The following C6orf47 variants were observed in gnomAD, a reference collection of about 807,000 sequenced individuals.
C6orf47 encodes chromosome 6 open reading frame 47.
A neutral mutation model predicts 5.6 loss-of-function variants in C6orf47; 1 was observed. The ratio of observed to expected loss-of-function variants is 0.18; its 90% confidence interval spans 0.06 to 0.85. The LOEUF (loss-of-function observed/expected upper bound fraction) is 0.85. Ranked by LOEUF, C6orf47 falls within the 40% of genes least tolerant of loss-of-function variation. The probability of loss-of-function intolerance (pLI) is 0.70; values close to 1 mark genes in which losing one functional copy is unlikely to be tolerated. For missense variants in C6orf47, 323 were observed against 367.1 expected, an observed-to-expected ratio of 0.88 and a Z score of 0.98; for synonymous variants, 149 against 161.7, an observed-to-expected ratio of 0.92 and a Z score of 0.60.
At position 31,659,439 on chromosome 6, in the gene C6orf47, C is replaced by T; in HGVS notation, c.509G>A (p.Gly170Glu). ...GEPGAPSRYL[G>E]GPEECLQIST... ...GATCTGCAGACACTCTTCTGGGCCCCCCAAGTACCGGGAGGGAGCTCCTGG... is the reference window on the plus strand; with the variant it reads ...GATCTGCAGACACTCTTCTGGGCCCTCCAAGTACCGGGAGGGAGCTCCTGG... The change falls in exon 1 of 1, where the codon GGG becomes GAG. Residue 170 changes from glycine (G) to glutamate (E), a missense_variant. Transcript: ENST00000375911. This position sits in a 1 kb window ranked among gnomAD's most constrained non-coding sequence, Gnocchi z 5.6. The T allele has an allele frequency of 6.2e-7, 1 of 1,612,898 alleles. No homozygotes were observed. The highest frequency in any genetic ancestry group is 8.5e-7 in the Non-Finnish European group (1 of 1,179,974).
At position 31,659,458 on chromosome 6, in the gene C6orf47, C is replaced by T; in HGVS notation, c.490G>A (p.Ala164Thr). Residue 164 changes from alanine to threonine, a missense_variant, in exon 1 of 1, where the codon GCT becomes ACT. Coordinates refer to ENST00000375911, the MANE Select transcript of C6orf47 (RefSeq NM_021184.4). The surrounding 1 kb of genome is among the most constrained non-coding windows in gnomAD (Gnocchi z 5.6). ...GGGCCCCCCAAGTACCGGGAGGGAGCTCCTGGTTCCCCCCGCAGCCAGCCC... is the reference window on the plus strand; with the variant it reads ...GGGCCCCCCAAGTACCGGGAGGGAGTTCCTGGTTCCCCCCGCAGCCAGCCC... The part of the protein sequence containing the change: ...LLGWLRGEPG[A>T]PSRYLGGPEE... The T allele has an allele frequency of 6.2e-7, 1 of 1,613,128 alleles. No individual in the cohort carries two copies.
chr6:31,659,758 A>G lies in C6orf47; in HGVS notation c.190T>C (p.Leu64=), dbSNP rs533943758. The change falls in exon 1 of 1, where the codon TTG becomes CTG. Residue 64 remains leucine (L), a synonymous_variant. Transcript: ENST00000375911. The surrounding 1 kb of genome is among the most constrained non-coding windows in gnomAD (Gnocchi z 5.6). ...GHPKTKDSGA[L]RVSGAASEPS... ...TCGGAAGCAGCCCCAGAAACCCTCAATGCCCCCGAGTCCTTAGTCTTGGGA... is the reference window on the plus strand; with the variant it reads ...TCGGAAGCAGCCCCAGAAACCCTCAGTGCCCCCGAGTCCTTAGTCTTGGGA... The G allele has an allele frequency of 1.9e-6, 3 of 1,612,988 alleles. No homozygotes were observed. Among genetic ancestry groups the G allele is most frequent in the African/African-American group, 1.3e-5 (1 of 75,032 alleles).
rs1168465927 is a variant in C6orf47 at position 31,658,524 on chromosome 6, G to C, written c.*539C>G. 1 of 213,948 alleles carries C rather than the reference G, an allele frequency of 4.7e-6. No homozygotes were observed. The highest frequency in any genetic ancestry group is 9.3e-6 in the Non-Finnish European group (1 of 106,956). The allele number at this position is 213,948 out of a possible 1,614,324, so 13.3% of individuals were successfully genotyped here. The stretch of plus-strand genomic sequence containing the variant: ...TGTCCCCACTCCCTCTGGCTCCCAT[G>C]ATCACCAGATCCGCCCTGCAGGCTC... On this transcript the variant is annotated 3_prime_UTR_variant, in exon 1 of 1. Transcript: ENST00000375911.
rs1420305185 is a variant in C6orf47 at position 31,659,849 on chromosome 6, G to A, written c.99C>T (p.Asp33=). 1.9e-6 allele frequency: 3 copies of A among 1,612,816 alleles called. No homozygotes were observed. The highest frequency in any genetic ancestry group is 1.3e-5 in the African/African-American group (1 of 75,026). ...CACTTCCTGAATTCTCCGAGGAGCTGTCCACCCGTCTGGGTTCTGGGTAAG... is the reference window on the plus strand; with the variant it reads ...CACTTCCTGAATTCTCCGAGGAGCTATCCACCCGTCTGGGTTCTGGGTAAG... ...DPPYPEPRRV[D]SSSENSGSDW... The change falls in exon 1 of 1, where the codon GAC becomes GAT. Residue 33 remains aspartate, a synonymous_variant. Transcript: ENST00000375911. This position sits in a 1 kb window ranked among gnomAD's most constrained non-coding sequence, Gnocchi z 5.6.
rs756066094 is a variant in C6orf47, at chr6:31,658,973, CCT to C, written c.*88_*89del. 1 of 1,465,336 alleles carries C rather than the reference CCT, an allele frequency of 6.8e-7. No individual in the cohort carries two copies. The highest frequency in any genetic ancestry group is 2.0e-5 in the Admixed American group (1 of 50,180). 90.8% of individuals were successfully genotyped at this position (1,465,336 alleles called of 1,614,324 possible). On this transcript the variant is annotated 3_prime_UTR_variant, in exon 1 of 1. Coordinates refer to ENST00000375911, the MANE Select transcript of C6orf47 (RefSeq NM_021184.4). ...CTCGTACTCGGGTTTCTTCCCCATCCCTGAGGTCCCTATGCTTACAATTTGGG... is the reference window on the plus strand; with the variant it reads ...CTCGTACTCGGGTTTCTTCCCCATCCGAGGTCCCTATGCTTACAATTTGGG...
Position 31,659,928 on chromosome 6 carries a change from C to G in C6orf47, c.20G>C (p.Gly7Ala). Residue 7 changes from glycine to alanine, a missense_variant, in exon 1 of 1, where the codon GGT (glycine) becomes GCT (alanine). Physicochemically the swap from Gly to Ala is moderately conservative, Grantham distance 60. Coordinates refer to ENST00000375911, the MANE Select transcript of C6orf47 (RefSeq NM_021184.4). The surrounding 1 kb of genome is among the most constrained non-coding windows in gnomAD (Gnocchi z 5.6). MFLRRL[G>A]GWLPRPWGRR... ...GCCCCAAGGGCGAGGTAGCCAGCCA[C>G]CAAGCCGTCGCAGGAACATGGCTGG... 6.3e-7 allele frequency: 1 copy of G among 1,578,950 alleles called. No individual in the cohort carries two copies. Among genetic ancestry groups the G allele is most frequent in the South Asian group, 1.1e-5 (1 of 87,332 alleles).
In C6orf47 at chr6:31,659,319, C is replaced by T; in HGVS notation, c.629G>A (p.Gly210Asp). 1 of 1,613,088 alleles carries T rather than the reference C, an allele frequency of 6.2e-7. No individual in the cohort carries two copies. Among genetic ancestry groups the T allele is most frequent in the Non-Finnish European group, 8.5e-7 (1 of 1,180,010 alleles). The change falls in exon 1 of 1, where the codon GGC (glycine) becomes GAC (aspartate). Residue 210 changes from glycine (G) to aspartate (D), a missense_variant. Transcript: ENST00000375911. The surrounding 1 kb of genome is among the most constrained non-coding windows in gnomAD (Gnocchi z 5.6). ...RPLRAALDTL[G>D]LRGPLGLWLH... ...CCAGAGGCCCAGCGGTCCACGCAGG[C>T]CCAGTGTGTCCAAGGCTGCCCGCAG... is the stretch of plus-strand genomic sequence containing the variant.
In C6orf47 at chr6:31,659,929, C is replaced by G. The variant is rs768703098; in HGVS notation, c.19G>C (p.Gly7Arg). 1.3e-6 allele frequency: 2 copies of G among 1,575,692 alleles called. No homozygotes were observed. Reference protein sequence around the residue: MFLRRLGGWLPRPWGRR... With the variant: MFLRRLRGWLPRPWGRR... Reference sequence around the variant, plus strand: ...CCCCAAGGGCGAGGTAGCCAGCCACCAAGCCGTCGCAGGAACATGGCTGGG... The same window carrying G: ...CCCCAAGGGCGAGGTAGCCAGCCACGAAGCCGTCGCAGGAACATGGCTGGG... Residue 7 changes from glycine (G) to arginine (R), a missense_variant, in exon 1 of 1, where the codon GGT becomes CGT. Transcript: ENST00000375911. This position sits in a 1 kb window ranked among gnomAD's most constrained non-coding sequence, Gnocchi z 5.6.
chr6:31,658,954 C>T lies in C6orf47; in HGVS notation c.*109G>A, dbSNP rs1800458424. On this transcript the variant is annotated 3_prime_UTR_variant, in exon 1 of 1. Coordinates refer to ENST00000375911, the MANE Select transcript of C6orf47 (RefSeq NM_021184.4). ...TGAAGGGGGGCCCTGCACCCTCGTA[C>T]TCGGGTTTCTTCCCCATCCCTGAGG... The T allele has an allele frequency of 1.5e-6, 2 of 1,305,538 alleles. No individual in the cohort carries two copies. Among genetic ancestry groups the T allele is most frequent in the Non-Finnish European group, 2.1e-6 (2 of 937,046 alleles). 80.9% of individuals were successfully genotyped at this position (1,305,538 alleles called of 1,614,324 possible). A position where few individuals can be genotyped will look rare whatever the true frequency, so the allele number is the denominator to read the frequency against.
rs1007603560 is a variant in C6orf47 at position 31,660,231 on chromosome 6, A to G, written c.-284T>C. On this transcript the variant is annotated 5_prime_UTR_variant, in exon 1 of 1. Transcript: ENST00000375911. The surrounding 1 kb of genome is among the most constrained non-coding windows in gnomAD (Gnocchi z 4.7). ...CACAATCTGAGATTCCAAGAATCTC[A>G]GATCTGACAAGGCCTGGGTCACCAC... 8 of 489,074 alleles carry G rather than the reference A, an allele frequency of 1.6e-5. No homozygotes were observed. Among genetic ancestry groups the G allele is most frequent in the Non-Finnish European group, 2.2e-5 (6 of 267,860 alleles). The allele number at this position is 489,074 out of a possible 1,614,324, so 30.3% of individuals were successfully genotyped here. A position where few individuals can be genotyped will look rare whatever the true frequency, so the allele number is the denominator to read the frequency against.
chr6:31,658,768 CTT>C lies in C6orf47; in HGVS notation c.*293_*294del, dbSNP rs9281546. 0.016 allele frequency: 3,619 copies of C among 228,042 alleles called. No individual in the cohort carries two copies. The highest frequency in any genetic ancestry group is 0.027 in the Middle Eastern group (21 of 784). 14.1% of individuals were successfully genotyped at this position (228,042 alleles called of 1,614,324 possible). ...TTGGTCTTTATTCACCACCATCATA[CTT>C]TTTTTTTTTTTTGCTTTTAAAAAGT... On this transcript the variant is annotated 3_prime_UTR_variant, in exon 1 of 1. Coordinates refer to ENST00000375911, the MANE Select transcript of C6orf47 (RefSeq NM_021184.4).
In C6orf47 at chr6:31,659,010, A is replaced by G; in HGVS notation, c.*53T>C. On this transcript the variant is annotated 3_prime_UTR_variant, in exon 1 of 1. Transcript: ENST00000375911. The surrounding 1 kb of genome is among the most constrained non-coding windows in gnomAD (Gnocchi z 5.6). ...ATGCTTACAATTTGGGTCATGCCTC[A>G]CACTTTTCTCCTAAAGCCCACACTC... The G allele has an allele frequency of 6.4e-7, 1 of 1,567,454 alleles. No homozygotes were observed. Among genetic ancestry groups the G allele is most frequent in the Middle Eastern group, 1.7e-4 (1 of 5,840 alleles).
Position 31,658,892 on chromosome 6 carries a change from C to A in C6orf47, c.*171G>T. The A allele has an allele frequency of 3.2e-6, 2 of 625,670 alleles. No individual in the cohort carries two copies. The highest frequency in any genetic ancestry group is 5.6e-5 in the South Asian group (2 of 36,006). The allele number at this position is 625,670 out of a possible 1,614,324, so 38.8% of individuals were successfully genotyped here. ...GAGCAGTGCCCTCACTGTCCATAAACACAAACACCCTAAATAGTTCTGTTC... is the reference window on the plus strand; with the variant it reads ...GAGCAGTGCCCTCACTGTCCATAAAAACAAACACCCTAAATAGTTCTGTTC... On this transcript the variant is annotated 3_prime_UTR_variant, in exon 1 of 1. Coordinates refer to ENST00000375911, the MANE Select transcript of C6orf47 (RefSeq NM_021184.4).
rs771776933 is a variant in C6orf47, at chr6:31,659,443, A to T, written c.505T>A (p.Leu169Met). 2 of 1,613,084 alleles carry T rather than the reference A, an allele frequency of 1.2e-6. No individual in the cohort carries two copies. The highest frequency in any genetic ancestry group is 1.7e-6 in the Non-Finnish European group (2 of 1,180,020). ...RGEPGAPSRY[L>M]GGPEECLQIS... Reference sequence around the variant, plus strand: ...TGCAGACACTCTTCTGGGCCCCCCAAGTACCGGGAGGGAGCTCCTGGTTCC... The same window carrying T: ...TGCAGACACTCTTCTGGGCCCCCCATGTACCGGGAGGGAGCTCCTGGTTCC... Residue 169 changes from leucine (L) to methionine (M), a missense_variant, in exon 1 of 1, where the codon TTG (leucine) becomes ATG (methionine). Transcript: ENST00000375911. The surrounding 1 kb of genome is among the most constrained non-coding windows in gnomAD (Gnocchi z 5.6).
In C6orf47 at chr6:31,658,394, C is replaced by A. The variant is rs995832931; in HGVS notation, c.*669G>T. 16 of 477,090 alleles carry A rather than the reference C, an allele frequency of 3.4e-5. No individual in the cohort carries two copies. The highest frequency in any genetic ancestry group is 6.1e-5 in the Non-Finnish European group (16 of 262,878). The allele number at this position is 477,090 out of a possible 1,614,324, so 29.6% of individuals were successfully genotyped here. Reference sequence around the variant, plus strand: ...ACACAGTTATTTATTGCTGAGTGAGCAAACCCCTAGCCCCCAAGTGGGGAC... The same window carrying A: ...ACACAGTTATTTATTGCTGAGTGAGAAAACCCCTAGCCCCCAAGTGGGGAC... On this transcript the variant is annotated 3_prime_UTR_variant, in exon 1 of 1. Transcript: ENST00000375911.
rs1331276940 is a variant in C6orf47, at chr6:31,659,856, C to A, written c.92G>T (p.Arg31Leu). The A allele has an allele frequency of 6.2e-7, 1 of 1,612,470 alleles. No homozygotes were observed. The highest frequency in any genetic ancestry group is 1.3e-5 in the African/African-American group (1 of 74,890). Residue 31 changes from arginine to leucine, a missense_variant, in exon 1 of 1, where the codon CGG becomes CTG. Coordinates refer to ENST00000375911, the MANE Select transcript of C6orf47 (RefSeq NM_021184.4). This position sits in a 1 kb window ranked among gnomAD's most constrained non-coding sequence, Gnocchi z 5.6. ...RPDPPYPEPR[R>L]VDSSSENSGS... ...TGAATTCTCCGAGGAGCTGTCCACC[C>A]GTCTGGGTTCTGGGTAAGGCGGGTC...
In C6orf47 at chr6:31,659,366, C is replaced by T; in HGVS notation, c.582G>A (p.Leu194=). Residue 194 remains leucine (L), a synonymous_variant, in exon 1 of 1, where the codon CTG becomes CTA. Coordinates refer to ENST00000375911, the MANE Select transcript of C6orf47 (RefSeq NM_021184.4). The surrounding 1 kb of genome is among the most constrained non-coding windows in gnomAD (Gnocchi z 5.6). ...GCAGTGGTCGTGAGCACAGGGCCAGCAGGGCAGAGGCCAGCAGCTCCAGAA... is the reference window on the plus strand; with the variant it reads ...GCAGTGGTCGTGAGCACAGGGCCAGTAGGGCAGAGGCCAGCAGCTCCAGAA... ...LHLLELLASA[L]LALCSRPLRA... 6.2e-7 allele frequency: 1 copy of T among 1,613,052 alleles called. No homozygotes were observed. Among genetic ancestry groups the T allele is most frequent in the Non-Finnish European group, 8.5e-7 (1 of 1,180,034 alleles).
rs376899945 is a variant in C6orf47, at chr6:31,659,408, G to T, written c.540C>A (p.Thr180=). The change falls in exon 1 of 1, where the codon ACC becomes ACA. Residue 180 remains threonine, a synonymous_variant. Transcript: ENST00000375911. This position sits in a 1 kb window ranked among gnomAD's most constrained non-coding sequence, Gnocchi z 5.6. ...GCTCCAGAAGATGCAGGGTCAGGTT[G>T]GTGGAGATCTGCAGACACTCTTCTG... ...GGPEECLQIS[T]NLTLHLLELL... 1.2e-6 allele frequency: 2 copies of T among 1,613,002 alleles called. No individual in the cohort carries two copies. The highest frequency in any genetic ancestry group is 2.7e-5 in the African/African-American group (2 of 74,956).
At position 31,658,544 on chromosome 6, in the gene C6orf47, A is replaced by G. The variant is rs1800401208; in HGVS notation, c.*519T>C. 2 of 208,630 alleles carry G rather than the reference A, an allele frequency of 9.6e-6. No homozygotes were observed. The highest frequency in any genetic ancestry group is 1.9e-5 in the Non-Finnish European group (2 of 103,330). The allele number at this position is 208,630 out of a possible 1,614,324, so 12.9% of individuals were successfully genotyped here. On this transcript the variant is annotated 3_prime_UTR_variant, in exon 1 of 1. Transcript: ENST00000375911. ...CCCATGATCACCAGATCCGCCCTGC[A>G]GGCTCCCTGTCACCTGTGGGGCCCT...
Sources: gnomAD v4.1 joint callset for allele counts on GRCh38, gnomAD v4.1.1 for gene constraint, Gnocchi (gnomAD v3.1) non-coding constraint, MANE v1.5 for transcripts, NCBI Gene and HGNC (gene_info 2026-07-23, HGNC 2026-07-21) for gene names.